Variants in ZFP64 observed in about 807,000 individuals in gnomAD.
The protein encoded by ZFP64 is ZFP64 zinc finger protein.
In ZFP64, 14 loss-of-function variants were observed where a neutral mutation model predicts 51.6. That is an observed-to-expected ratio of 0.27 (90% CI 0.18 to 0.42). The LOEUF (loss-of-function observed/expected upper bound fraction) is 0.42, where lower values mean the gene tolerates loss of function less well. Ranked by LOEUF, ZFP64 falls within the 10% of genes least tolerant of loss-of-function variation. The probability of loss-of-function intolerance (pLI) is 1.00; values close to 1 mark genes in which losing one functional copy is unlikely to be tolerated. For missense variants in ZFP64, 754 were observed against 906.8 expected (o/e 0.83, Z 2.16); for synonymous variants, 375 against 361.4 (o/e 1.04, Z -0.43).
At chr20:52,103,570 G>C (rs2079076406) in intron 5 of ZFP64, among the ~76,000 whole-genome samples, 1 of 152,184 alleles carries the variant, frequency 6.6e-6, no homozygotes, top group Non-Finnish European at 1.5e-5. Context: ...AAGGCGCCTC[G>C]CAGCGCTGGC....
intron 7 of ZFP64, chr20:52,097,017 G>A (rs2078995879): frequency 3.8e-5 from 23 of 611,772 alleles, no homozygotes; most frequent in South Asian, 3.3e-4. Context: ...CCAACAGGCT[G>A]AGTTGCCCAT....
intron 4 of ZFP64, among the ~76,000 whole-genome samples, chr20:52,162,262 C>T (rs762151002): frequency 1.3e-5 from 2 of 151,548 alleles, no homozygotes; most frequent in Non-Finnish European, 2.9e-5. Context: ...TGTGCCACTG[C>T]GCTACAGCCT....
intron 8 of ZFP64, among the ~76,000 whole-genome samples, chr20:52,087,599 A>G (rs1157558467): frequency 6.6e-6 from 1 of 152,194 alleles, no homozygotes; most frequent in Non-Finnish European, 1.5e-5. Flanking sequence ...TTGGTGGACT[A>G]TATTTGGGAA....
chr20:52,156,739 G>A (rs1350655132), intron 5 of ZFP64, among the ~76,000 whole-genome samples: 2 of 152,134 alleles, frequency 1.3e-5, no homozygotes, highest in African/African-American at 2.4e-5. Flanking sequence ...TTTGAGATTC[G>A]GTTGCATGTG....
At chr20:52,170,565 T>A (rs1982640255) in intron 2 of ZFP64, among the ~76,000 whole-genome samples, 2 of 152,210 alleles carry the variant, frequency 1.3e-5, no homozygotes, top group Non-Finnish European at 2.9e-5. Flanking sequence ...AGTAGATGGC[T>A]ATAGACCAGA....
intron 5 of ZFP64, among the ~76,000 whole-genome samples, chr20:52,106,020 C>T (rs993557814): frequency 6.6e-6 from 1 of 152,150 alleles, no homozygotes; most frequent in Non-Finnish European, 1.5e-5. Flanking sequence ...ATGCAGATTC[C>T]GAAAGTTCTG....
intron 5 of ZFP64, among the ~76,000 whole-genome samples, chr20:52,130,659 C>G (rs1979680490): frequency 6.6e-6 from 1 of 152,142 alleles, no homozygotes; most frequent in Admixed American, 6.6e-5. Flanking sequence ...ATTTATCAAA[C>G]TTCTTAGGGC....
chr20:52,098,116 T>C (rs1227305399), intron 6 of ZFP64, among the ~76,000 whole-genome samples: 1 of 137,824 alleles, frequency 7.3e-6, no homozygotes. Flanking sequence ...GAGGTTGCAG[T>C]GAGCCGAGAT....
intron 5 of ZFP64, chr20:52,110,557 C>T (rs1044030383): frequency 1.4e-6 from 1 of 721,892 alleles, no homozygotes; most frequent in East Asian, 2.5e-5. Flanking sequence ...CTCCTTCACA[C>T]TTGAGAGGTG....
At chr20:52,091,704 G>A (rs1348688398) in intron 7 of ZFP64, among the ~76,000 whole-genome samples, 1 of 151,544 alleles carries the variant, frequency 6.6e-6, no homozygotes, top group Non-Finnish European at 1.5e-5. Context: ...ACCTATGGCC[G>A]TGGCTGGGCG....
chr20:52,132,039 G>A (rs1979747734), intron 5 of ZFP64, among the ~76,000 whole-genome samples: 1 of 151,682 alleles, frequency 6.6e-6, no homozygotes, highest in African/African-American at 2.4e-5. Flanking sequence ...GACCACAATG[G>A]GACAAAACTA....
At chr20:52,104,527 C>G (rs1010866214) in intron 5 of ZFP64, 1 of 362,794 alleles carries the variant, frequency 2.8e-6, no homozygotes, top group Non-Finnish European at 5.4e-6. Context: ...CGGCCGTCCC[C>G]CGCCCCCCAC....
intron 5 of ZFP64, among the ~76,000 whole-genome samples, chr20:52,142,367 C>T (rs1980297522): frequency 7.2e-6 from 1 of 138,182 alleles, no homozygotes; most frequent in East Asian, 2.3e-4. Context: ...GACTTCATCA[C>T]ACACACACAG....
chr20:52,135,144 G>A (rs1046650284), intron 5 of ZFP64, among the ~76,000 whole-genome samples: 21 of 152,220 alleles, frequency 1.4e-4, no homozygotes, highest in Admixed American at 6.5e-4. Context: ...GATTACAGGT[G>A]TGAGCCACTG....
intron 4 of ZFP64, among the ~76,000 whole-genome samples, chr20:52,161,583 T>C (rs1007930737): frequency 1.3e-5 from 2 of 152,058 alleles, no homozygotes; most frequent in African/African-American, 4.8e-5. Context: ...GCTGAAATAT[T>C]TCACTGTATG....
chr20:52,156,603 A>G (rs1981341638), intron 5 of ZFP64, among the ~76,000 whole-genome samples: 1 of 152,172 alleles, frequency 6.6e-6, no homozygotes, highest in African/African-American at 2.4e-5. Flanking sequence ...GAAAAAGCAT[A>G]TTGCATCTAT....
intron 5 of ZFP64, among the ~76,000 whole-genome samples, chr20:52,120,908 G>C (rs1468114018): frequency 6.6e-6 from 1 of 151,928 alleles, no homozygotes. Context: ...AACTCCTGAC[G>C]TCAGGTGATC....
At chr20:52,110,003 C>A (rs1978473052) in intron 5 of ZFP64, among the ~76,000 whole-genome samples, 1 of 151,948 alleles carries the variant, frequency 6.6e-6, no homozygotes, top group South Asian at 2.1e-4. Context: ...CTGATTTTTT[C>A]TTTTCCACTT....
Position 52,114,775 on chromosome 20 carries a change from C to T in ZFP64, c.764-16188G>A, listed in dbSNP as rs557892522. ...TCCTCCAGAGAAACATTTGCACAGG[C>T]GCACAAGGGAGAATGTCCAAGAATG... On this transcript the variant is annotated intron_variant, in intron 5 of 8. Transcript: ENST00000361387. Among the ~76,000 whole-genome samples, 17 of 152,144 alleles carry T rather than the reference C, an allele frequency of 1.1e-4. No individual in the cohort carries two copies. The South Asian group carries it at 3.1e-3, about 28-fold the overall frequency.
Sources: allele counts gnomAD v4.1 joint callset (sites outside exome capture counted in the v4.1 genomes callset), GRCh38; gene constraint gnomAD v4.1.1; transcripts MANE v1.5; gene names NCBI Gene and HGNC (gene_info 2026-07-23, HGNC 2026-07-21).